PCBP2: variants seen among roughly 807,000 people sequenced by gnomAD.
PCBP2 encodes poly(rC)-binding protein 2.
Under a neutral mutation model 50.1 loss-of-function variants are expected in PCBP2, and 4 were observed. The ratio of observed to expected loss-of-function variants is 0.08; its 90% CI spans 0.04 to 0.18. The LOEUF is 0.18. PCBP2 is among the 10% of genes least tolerant of loss of function. The pLI is 1.00. For synonymous variants in PCBP2, 179 were observed against 168.0 expected, an observed-to-expected ratio of 1.07 and a Z score of -0.51; for missense variants, 161 against 474.3, an observed-to-expected ratio of 0.34 and a Z score of 6.14.
At chr12:53,454,916 G>A (rs773489088) in intron 2 of PCBP2, 47 bp downstream of exon 2, 8 of 1,488,438 alleles carry the variant, frequency 5.4e-6, no homozygotes, top group Non-Finnish European at 7.5e-6. Flanking sequence ...GCTAGGGGAG[G>A]GGCCAGGAAG....
chr12:53,472,967 T>C (rs570712534), intron 14 of PCBP2, among the ~76,000 whole-genome samples: 1 of 152,366 alleles, frequency 6.6e-6, no homozygotes, highest in East Asian at 1.9e-4. Context: ...CAAGGTTGTT[T>C]GCAAAGAGGT....
chr12:53,458,624 T>C (rs1462637930), intron 5 of PCBP2, among the ~76,000 whole-genome samples: 2 of 151,674 alleles, frequency 1.3e-5, no homozygotes, highest in African/African-American at 4.9e-5. Flanking sequence ...TATTTTTTCT[T>C]AATATTCGAT....
intron 2 of PCBP2, among the ~76,000 whole-genome samples, chr12:53,455,111 GTTTTTCTC>G (rs1281583665): frequency 6.6e-6 from 1 of 152,100 alleles, no homozygotes; most frequent in Non-Finnish European, 1.5e-5. Context: ...GGATGGTAAG[GTTTTTCTC>G]ATGGTGATTG....
chr12:53,471,879 A>G (rs1942260473), intron 14 of PCBP2, 72 bp downstream of exon 14: 12 of 1,295,226 alleles, frequency 9.3e-6, no homozygotes, highest in Non-Finnish European at 1.3e-5. Flanking sequence ...GCTGCAGTGT[A>G]TTAAATATGG....
intron 14 of PCBP2, among the ~76,000 whole-genome samples, chr12:53,477,518 T>C (rs1008116730): frequency 1.6e-4 from 25 of 151,784 alleles, no homozygotes; most frequent in African/African-American, 5.3e-4. Flanking sequence ...ATAAAAAAAT[T>C]AGCTGGGCAT....
intron 8 of PCBP2, 143 bp from the exon 9 acceptor site, chr12:53,464,617 T>G: frequency 3.4e-6 from 4 of 1,161,850 alleles, no homozygotes; most frequent in Non-Finnish European, 4.8e-6. Flanking sequence ...ATTCACTGAT[T>G]ACAGCTCGTT....
intron 8 of PCBP2, among the ~76,000 whole-genome samples, chr12:53,463,738 G>A (rs1941613783): frequency 6.6e-6 from 1 of 152,184 alleles, no homozygotes; most frequent in Non-Finnish European, 1.5e-5. Flanking sequence ...GACTGATTTT[G>A]GTAGCTGCCT....
At chr12:53,456,239 G>C (rs1940998476) in intron 5 of PCBP2, among the ~76,000 whole-genome samples, 2 of 152,060 alleles carry the variant, frequency 1.3e-5, no homozygotes, top group African/African-American at 2.4e-5. Flanking sequence ...AGGCTGAGGC[G>C]GGCAGATAAA....
chr12:53,471,189 G>A (rs2137098724), intron 13 of PCBP2, among the ~76,000 whole-genome samples: 1 of 152,170 alleles, frequency 6.6e-6, no homozygotes, highest in East Asian at 1.9e-4. Context: ...CAGGTTACAG[G>A]GAGCACAGAG....
chr12:53,461,180 GC>G (rs1941420559), intron 7 of PCBP2, 37 bp downstream of exon 7: 1 of 1,608,490 alleles, frequency 6.2e-7, no homozygotes, highest in Non-Finnish European at 8.5e-7. Context: ...TGGGGGGAGG[GC>G]CATTCTGGGG....
chr12:53,475,006 C>T (rs1450183205), intron 14 of PCBP2: 20 of 456,500 alleles, frequency 4.4e-5, no homozygotes, highest in Non-Finnish European at 7.5e-5. Flanking sequence ...ACAGCGGGGA[C>T]CTCCGACGCA....
At chr12:53,455,860 CT>C in intron 4 of PCBP2, 24 bp from the exon 5 acceptor site, 1 of 1,478,912 alleles carries the variant, frequency 6.8e-7, no homozygotes, top group Non-Finnish European at 9.5e-7. Flanking sequence ...GTTTTAACTT[CT>C]TTTGGATCTT....
Position 53,479,671 on chromosome 12 carries a change from G to GTTTTTTTTTTGTTTTGT in PCBP2, c.*239_*240insGTTTTGTTTTTTTTTTT, listed in dbSNP as rs1555209674. The GTTTTTTTTTTGTTTTGT allele has an allele frequency of 1.5e-4, 32 of 206,812 alleles. No homozygotes were observed. Among genetic ancestry groups the GTTTTTTTTTTGTTTTGT allele is most frequent in the Non-Finnish European group, 2.8e-4 (30 of 108,882 alleles). 12.8% of individuals were successfully genotyped at this position (206,812 alleles called of 1,614,324 possible). On this transcript the variant is annotated 3_prime_UTR_variant, in exon 15 of 15. Transcript: ENST00000546463. ...ATTTAGTTTTATAAGCTTCTCCCTGGTTTTTTTTTTTTGGCTCATGAATTT... is the reference window on the plus strand; with the variant it reads ...ATTTAGTTTTATAAGCTTCTCCCTGGTTTTTTTTTTGTTTTGTTTTTTTTTTTTTGGCTCATGAATTT...
chr12:53,469,248 T>A (rs566632495), intron 13 of PCBP2, among the ~76,000 whole-genome samples: 1 of 152,154 alleles, frequency 6.6e-6, no homozygotes, highest in South Asian at 2.1e-4. Context: ...ACTGGGAATT[T>A]TATTATTTTA....
chr12:53,456,457 CAA>C (rs111399555), intron 5 of PCBP2, among the ~76,000 whole-genome samples: 13 of 127,752 alleles, frequency 1.0e-4, no homozygotes, highest in Non-Finnish European at 1.5e-4. Context: ...GACTCTGTCT[CAA>C]AAAAAAAAAA....
At chr12:53,468,629 C>T (rs1941983221) in intron 12 of PCBP2, 148 bp from the exon 13 acceptor site, 2 of 668,822 alleles carry the variant, frequency 3.0e-6, no homozygotes, top group Non-Finnish European at 5.4e-6. Context: ...CCCACTCTTT[C>T]CTCTTTGGAG....
intron 1 of PCBP2, chr12:53,452,863 G>C (rs1002514359): frequency 7.2e-5 from 11 of 152,126 alleles, no homozygotes; most frequent in African/African-American, 2.7e-4. Flanking sequence ...GGAAGGGGGG[G>C]CTTTTTTTCT....
chr12:53,465,304 G>T (rs1332867498), intron 9 of PCBP2, among the ~76,000 whole-genome samples: 1 of 152,008 alleles, frequency 6.6e-6, no homozygotes, highest in Non-Finnish European at 1.5e-5. Flanking sequence ...TTGTGGGGGG[G>T]AGGAGGGCAT....
intron 1 of PCBP2, chr12:53,453,276 G>A (rs985338912): frequency 2.7e-5 from 4 of 147,928 alleles, no homozygotes; most frequent in African/African-American, 1.0e-4. Context: ...TATTACATCT[G>A]CAAGAGGGTA....
Sources: gnomAD v4.1 joint callset for allele counts (sites outside exome capture counted in the v4.1 genomes callset) on GRCh38, gnomAD v4.1.1 for gene constraint, MANE v1.5 for transcripts, NCBI Gene and HGNC (gene_info 2026-07-23, HGNC 2026-07-21) for gene names.